TSNARE1: variants seen among roughly 807,000 people sequenced by gnomAD.
TSNARE1 encodes t-SNARE domain-containing protein 1.
TSNARE1 carries 49 observed loss-of-function variants against 62.0 expected under a neutral mutation model. That is an observed-to-expected ratio of 0.79 (90% confidence interval 0.63 to 1.00). The LOEUF is 1.00. Ranked by LOEUF, TSNARE1 falls within the 50% of genes least tolerant of loss-of-function variation. The pLI is 0.00. For missense variants in TSNARE1, 755 were observed against 700.1 expected (o/e 1.08, Z -0.88); for synonymous variants, 328 against 294.4 (o/e 1.11, Z -1.17).
intron 13 of TSNARE1, among the ~76,000 whole-genome samples, chr8:142,224,897 G>A (rs1816702878): frequency 6.6e-6 from 1 of 152,156 alleles, no homozygotes; most frequent in South Asian, 2.1e-4. Flanking sequence ...GGGGCAGAGG[G>A]CGGGGCTGGG....
At chr8:142,289,753 G>C (rs918590777) in intron 10 of TSNARE1, among the ~76,000 whole-genome samples, 2 of 152,246 alleles carry the variant, frequency 1.3e-5, no homozygotes, top group African/African-American at 2.4e-5. Context: ...CATCATGGGA[G>C]GCCGCCGGGA....
chr8:142,310,305 C>CT (rs1476894424), intron 9 of TSNARE1, among the ~76,000 whole-genome samples: 1 of 152,192 alleles, frequency 6.6e-6, no homozygotes, highest in Non-Finnish European at 1.5e-5. Context: ...CGTCATGACA[C>CT]TTTAACACTA....
upstream of TSNARE1, chr8:142,403,311 G>T (rs1210365881): frequency 6.6e-6 from 1 of 151,984 alleles, no homozygotes; most frequent in Non-Finnish European, 1.5e-5. Context: ...GCGGACGGCG[G>T]TCGGCTGGGC....
At chr8:142,226,842 G>T (rs1487037087) in intron 13 of TSNARE1, among the ~76,000 whole-genome samples, 1 of 152,086 alleles carries the variant, frequency 6.6e-6, no homozygotes, top group Non-Finnish European at 1.5e-5. Flanking sequence ...CCTTCCTGTG[G>T]GCCCTGCCCC....
intron 1 of TSNARE1, among the ~76,000 whole-genome samples, 172 bp from the exon 2 acceptor site, chr8:142,354,935 C>A (rs182912009): frequency 2.6e-5 from 4 of 152,044 alleles, no homozygotes; most frequent in East Asian, 1.9e-4. Flanking sequence ...AGCAACCCCC[C>A]CACAGAGCCC....
intron 12 of TSNARE1, among the ~76,000 whole-genome samples, chr8:142,256,318 A>ATAATT: frequency 8.5e-6 from 1 of 117,298 alleles, no homozygotes; most frequent in Non-Finnish European, 1.8e-5. Context: ...CATCATCACC[A>ATAATT]CCATCACCAT....
intron 4 of TSNARE1, among the ~76,000 whole-genome samples, chr8:142,343,053 C>A (rs1345285057): frequency 2.6e-5 from 4 of 152,232 alleles, no homozygotes; most frequent in African/African-American, 9.6e-5. Context: ...GACACTGGGC[C>A]CACGCTGACC....
At chr8:142,235,520 T>C (rs1817368350) in intron 12 of TSNARE1, among the ~76,000 whole-genome samples, 1 of 152,044 alleles carries the variant, frequency 6.6e-6, no homozygotes, top group Admixed American at 6.5e-5. Context: ...TCTATTTGTA[T>C]ATATTTAGAC....
intron 10 of TSNARE1, among the ~76,000 whole-genome samples, chr8:142,298,765 G>T (rs926561228): frequency 2.2e-4 from 33 of 152,168 alleles, no homozygotes; most frequent in Admixed American, 1.7e-3. Flanking sequence ...CGCCCGAGGG[G>T]CTGTGACTGG....
chr8:142,406,146 A>G (rs545816822), upstream of TSNARE1: 1 of 152,476 alleles, frequency 6.6e-6, no homozygotes, highest in East Asian at 1.9e-4. Flanking sequence ...GACAGCAGCC[A>G]TGTGGCCAGC....
intron 13 of TSNARE1, among the ~76,000 whole-genome samples, chr8:142,229,193 A>C (rs1816978110): frequency 1.0e-5 from 1 of 96,106 alleles, no homozygotes; most frequent in Non-Finnish European, 2.0e-5. Context: ...ACAGATGGTG[A>C]ATGGGTGGAT....
intron 11 of TSNARE1, chr8:142,278,828 G>A (rs1257010550): frequency 1.0e-6 from 1 of 983,110 alleles, no homozygotes; most frequent in Non-Finnish European, 1.2e-6. Context: ...GCCTGCAGAA[G>A]GAGGGGGAGG....
At chr8:142,215,417 C>T (rs561063232) in intron 13 of TSNARE1, among the ~76,000 whole-genome samples, 2 of 152,240 alleles carry the variant, frequency 1.3e-5, no homozygotes, top group South Asian at 4.1e-4. Context: ...CCTTGCAGTG[C>T]CTGATGCCCC....
intron 10 of TSNARE1, among the ~76,000 whole-genome samples, chr8:142,290,708 C>T (rs1823605481): frequency 6.6e-6 from 1 of 152,260 alleles, no homozygotes; most frequent in Non-Finnish European, 1.5e-5. Context: ...CCAGGTCAGG[C>T]ACCTTCAGGC....
Position 142,277,448 on chromosome 8 carries a change from G to T in TSNARE1, c.1364-2585C>A, listed in dbSNP as rs115932133. The T allele has an allele frequency of 7.7e-3, 7,631 of 985,422 alleles. 477 individuals are homozygous for T. In the African/African-American group the frequency reaches 0.12, roughly 16 times the overall value. 61.0% of individuals were successfully genotyped at this position (985,422 alleles called of 1,614,324 possible). A position where few individuals can be genotyped will look rare whatever the true frequency, so the allele number is the denominator to read the frequency against. Reference sequence around the variant, plus strand: ...CAGCCCCACAGCCGTGACCAGCCCTGCAGGCCTGGCCCTGCCCAAACCCCA... The same window carrying T: ...CAGCCCCACAGCCGTGACCAGCCCTTCAGGCCTGGCCCTGCCCAAACCCCA... On this transcript the variant is annotated intron_variant, in intron 11 of 13. Coordinates refer to ENST00000524325, the MANE Select transcript of TSNARE1 (RefSeq NM_145003.5).
At chr8:142,316,425 G>T (rs1201468745) in intron 7 of TSNARE1, among the ~76,000 whole-genome samples, 1 of 151,824 alleles carries the variant, frequency 6.6e-6, no homozygotes, top group Non-Finnish European at 1.5e-5. Flanking sequence ...CCCATCACTG[G>T]ACAGGGGACT....
intron 1 of TSNARE1, among the ~76,000 whole-genome samples, chr8:142,395,447 C>T (rs1038406169): frequency 1.3e-5 from 2 of 152,226 alleles, no homozygotes; most frequent in African/African-American, 2.4e-5. Flanking sequence ...AGCAAAGACA[C>T]GGGGGGCAGG....
intron 4 of TSNARE1, among the ~76,000 whole-genome samples, chr8:142,342,303 A>G (rs1456347921): frequency 6.6e-6 from 1 of 152,224 alleles, no homozygotes; most frequent in East Asian, 1.9e-4. Flanking sequence ...CCGTGACCAG[A>G]GATGCCTACT....
At chr8:142,278,498 G>A (rs763084979) in intron 11 of TSNARE1, 118 of 985,434 alleles carry the variant, frequency 1.2e-4, no homozygotes, top group Admixed American at 2.5e-4. Context: ...GCTCTGCTTC[G>A]AAGGGTGTGC....
Sources: allele counts gnomAD v4.1 joint callset (sites outside exome capture counted in the v4.1 genomes callset), GRCh38; gene constraint gnomAD v4.1.1; transcripts MANE v1.5; gene names NCBI Gene and HGNC (gene_info 2026-07-23, HGNC 2026-07-21).